RNF150: variants seen among roughly 807,000 people sequenced by gnomAD.
The protein encoded by RNF150 is ring finger protein 150.
A neutral mutation model predicts 39.3 loss-of-function variants in RNF150; 24 were observed. That is an observed-to-expected ratio of 0.61 (90% CI 0.44 to 0.86). The LOEUF is 0.86. Ranked by LOEUF, RNF150 falls within the 40% of genes least tolerant of loss-of-function variation. RNF150 has a pLI of 0.00. For synonymous variants in RNF150, 255 were observed against 227.3 expected, an observed-to-expected ratio of 1.12 and a Z score of -1.10; for missense variants, 502 against 587.8, an observed-to-expected ratio of 0.85 and a Z score of 1.51.
rs1553989334 is a variant in RNF150 at position 140,896,727 on chromosome 4, A to AAT, written c.1198+14416_1198+14417insAT. On this transcript the variant is annotated intron_variant, in intron 6 of 6. Transcript: ENST00000515673. ...AAAAAAACAAACAAACAAACAAAAA[A>AAT]AAATAATTTTTTTTCTTTAAAAAAG... Among the ~76,000 whole-genome samples, 435 of 121,332 alleles carry AAT rather than the reference A, an allele frequency of 3.6e-3. 8 individuals are homozygous for AAT. Among genetic ancestry groups the AAT allele is most frequent in the African/African-American group, 0.014 (416 of 29,898 alleles). The allele number at this position is 121,332 out of a possible 152,430, so 79.6% of individuals were successfully genotyped here.
intron 1 of RNF150, among the ~76,000 whole-genome samples, chr4:141,073,717 T>A (rs1443791286): frequency 6.6e-6 from 1 of 152,034 alleles, no homozygotes; most frequent in African/African-American, 2.4e-5. Flanking sequence ...AAAATTTAAA[T>A]TCAATGTAAT....
intron 5 of RNF150, among the ~76,000 whole-genome samples, chr4:140,923,416 A>G (rs1253175566): frequency 1.3e-5 from 2 of 152,184 alleles, no homozygotes; most frequent in Non-Finnish European, 2.9e-5. Context: ...CAAAACCACA[A>G]TGAGATACCA....
At chr4:141,164,174 T>C (rs2572240) in intron 1 of RNF150, among the ~76,000 whole-genome samples, 149,937 of 151,132 alleles carry the variant, frequency 0.99, 74,382 homozygotes, top group Middle Eastern at 1. Flanking sequence ...TATCAATAGC[T>C]GAATTGATCA....
At chr4:141,077,368 TAGA>T (rs1342146448) in intron 1 of RNF150, among the ~76,000 whole-genome samples, 1 of 152,086 alleles carries the variant, frequency 6.6e-6, no homozygotes, top group Non-Finnish European at 1.5e-5. Context: ...TTATGTTAAG[TAGA>T]AGAAGCCAGA....
chr4:141,197,648 G>A (rs1034947347), intron 1 of RNF150, among the ~76,000 whole-genome samples: 1 of 152,086 alleles, frequency 6.6e-6, no homozygotes, highest in Admixed American at 6.6e-5. Context: ...GGAGGCCAAG[G>A]TGGGCAGATC....
At chr4:141,095,886 T>C (rs979812499) in intron 1 of RNF150, among the ~76,000 whole-genome samples, 1 of 152,128 alleles carries the variant, frequency 6.6e-6, no homozygotes, top group Non-Finnish European at 1.5e-5. Context: ...GCTGAGAACA[T>C]TTTTTATTTG....
chr4:140,939,607 TGTGTGTGTG>T (rs3220837), intron 4 of RNF150, among the ~76,000 whole-genome samples: 2 of 962 alleles, frequency 2.1e-3, no homozygotes, highest in African/African-American at 8.6e-3. Flanking sequence ...AAGTGGAGTT[TGTGTGTGTG>T]TGTGTGTGTG....
At chr4:141,005,006 C>T (rs922262334) in intron 1 of RNF150, among the ~76,000 whole-genome samples, 5 of 152,038 alleles carry the variant, frequency 3.3e-5, no homozygotes, top group African/African-American at 9.7e-5. Flanking sequence ...GTTCAGAGAG[C>T]GTTGGGGAGA....
intron 1 of RNF150, among the ~76,000 whole-genome samples, chr4:141,152,959 C>A (rs1169912906): frequency 6.6e-6 from 1 of 152,106 alleles, no homozygotes; most frequent in Non-Finnish European, 1.5e-5. Context: ...TATTAAGCCC[C>A]ACATGCATTA....
chr4:141,025,391 C>A (rs1167093391), intron 1 of RNF150, among the ~76,000 whole-genome samples: 1 of 151,916 alleles, frequency 6.6e-6, no homozygotes, highest in Non-Finnish European at 1.5e-5. Flanking sequence ...GGTGTGTAAT[C>A]CCATAACTAG....
At chr4:141,165,587 TAACA>T (rs1727586221) in intron 1 of RNF150, among the ~76,000 whole-genome samples, 1 of 152,090 alleles carries the variant, frequency 6.6e-6, no homozygotes, top group Admixed American at 6.6e-5. Context: ...ACAGAAGTCA[TAACA>T]AACAGTCTCT....
intron 1 of RNF150, among the ~76,000 whole-genome samples, chr4:141,181,837 T>G (rs895956923): frequency 2.6e-5 from 4 of 152,154 alleles, no homozygotes; most frequent in African/African-American, 9.7e-5. Flanking sequence ...GAAAATATAT[T>G]TATACAGACA....
chr4:140,987,197 C>A (rs1482719492), intron 1 of RNF150, among the ~76,000 whole-genome samples: 1 of 152,004 alleles, frequency 6.6e-6, no homozygotes, highest in Non-Finnish European at 1.5e-5. Flanking sequence ...CTGCCCAAAG[C>A]AACCTACAGA....
intron 4 of RNF150, among the ~76,000 whole-genome samples, chr4:140,942,978 T>C (rs1480884293): frequency 6.6e-6 from 1 of 152,192 alleles, no homozygotes; most frequent in Non-Finnish European, 1.5e-5. Flanking sequence ...CTCTGTCTTC[T>C]GTAGTGGGGC....
chr4:141,075,247 G>A (rs1236210766), intron 1 of RNF150, among the ~76,000 whole-genome samples: 1 of 152,206 alleles, frequency 6.6e-6, no homozygotes, highest in South Asian at 2.1e-4. Context: ...ACTGTAATGC[G>A]AAAGCAGCTA....
intron 1 of RNF150, among the ~76,000 whole-genome samples, chr4:141,123,020 A>T (rs928971697): frequency 2.6e-5 from 4 of 152,202 alleles, no homozygotes; most frequent in African/African-American, 9.6e-5. Context: ...GAAACCAGGC[A>T]CCCACTTCAT....
intron 1 of RNF150, among the ~76,000 whole-genome samples, chr4:141,146,808 T>C (rs897906368): frequency 5.9e-5 from 9 of 152,188 alleles, no homozygotes; most frequent in Admixed American, 3.3e-4. Flanking sequence ...CTAAGAGAAG[T>C]ATACAATCTG....
At chr4:140,907,231 G>T (rs1459970114) in intron 6 of RNF150, among the ~76,000 whole-genome samples, 1 of 152,152 alleles carries the variant, frequency 6.6e-6, no homozygotes, top group Non-Finnish European at 1.5e-5. Flanking sequence ...TAACGTGTGG[G>T]CATTCATACA....
chr4:141,000,074 GAA>G (rs1160227614), intron 1 of RNF150, among the ~76,000 whole-genome samples: 3 of 79,426 alleles, frequency 3.8e-5, no homozygotes, highest in African/African-American at 1.4e-4. Context: ...AGAAGAAGAA[GAA>G]GAAGAAGAAG....
Sources: gnomAD v4.1 joint callset for allele counts (sites outside exome capture counted in the v4.1 genomes callset) on GRCh38, gnomAD v4.1.1 for gene constraint, MANE v1.5 for transcripts, NCBI Gene and HGNC (gene_info 2026-07-23, HGNC 2026-07-21) for gene names.